The following NKIRAS1 variants were observed in gnomAD, a reference collection of about 807,000 sequenced individuals.
NKIRAS1 encodes NF-kappa-B inhibitor-interacting Ras-like protein 1.
Under a neutral mutation model 19.8 loss-of-function variants are expected in NKIRAS1, and 16 were observed. The ratio of observed to expected loss-of-function variants is 0.81; its 90% CI spans 0.55 to 1.23. The LOEUF (loss-of-function observed/expected upper bound fraction) is 1.23, where lower values mean the gene tolerates loss of function less well. Among genes scored for constraint, NKIRAS1 ranks in the 50% most tolerant of loss-of-function variants. The pLI, the probability that NKIRAS1 is intolerant of heterozygous loss-of-function variation, is 0.00. For missense variants in NKIRAS1, 184 were observed against 220.0 expected, an observed-to-expected ratio of 0.84 and a Z score of 1.04; for synonymous variants, 88 against 79.0, an observed-to-expected ratio of 1.11 and a Z score of -0.61.
intron 1 of NKIRAS1, among the ~76,000 whole-genome samples, chr3:23,939,709 A>G (rs930164491): frequency 6.6e-6 from 1 of 152,264 alleles, no homozygotes; most frequent in Non-Finnish European, 1.5e-5. Context: ...GTGCCACTGC[A>G]CTCCAGTCTG....
chr3:23,893,459 A>G, intron 4 of NKIRAS1, 122 bp from the exon 5 acceptor site: 1 of 806,888 alleles, frequency 1.2e-6, no homozygotes, highest in Non-Finnish European at 2.0e-6. Flanking sequence ...CTGATTCTCA[A>G]GTGTGACTGG....
At chr3:23,918,432 G>A, upstream of NKIRAS1, 2 of 1,611,602 alleles carry the variant, frequency 1.2e-6, no homozygotes, top group Non-Finnish European at 1.7e-6. Flanking sequence ...GTGTGTGTTT[G>A]TGTGTAGGTT....
At chr3:23,919,093 A>C (rs1704914206), upstream of NKIRAS1, 1 of 757,294 alleles carries the variant, frequency 1.3e-6, no homozygotes, top group South Asian at 1.7e-5. Flanking sequence ...GTAGTAAAAG[A>C]CTCTTGTCTG....
chr3:23,936,020 C>T (rs1031880264), intron 1 of NKIRAS1, among the ~76,000 whole-genome samples: 1 of 134,224 alleles, frequency 7.5e-6, no homozygotes, highest in African/African-American at 2.8e-5. Context: ...AAATTCGAGG[C>T]TGCAGTGAGC....
At chr3:23,940,260 T>C (rs1471295721) in intron 1 of NKIRAS1, among the ~76,000 whole-genome samples, 1 of 150,968 alleles carries the variant, frequency 6.6e-6, no homozygotes, top group Non-Finnish European at 1.5e-5. Context: ...GGTGGGAGCA[T>C]CTCGAGCCCA....
At chr3:23,898,153 G>T (rs1702165934) in intron 4 of NKIRAS1, among the ~76,000 whole-genome samples, 1 of 152,142 alleles carries the variant, frequency 6.6e-6, no homozygotes, top group Non-Finnish European at 1.5e-5. Context: ...GCCTGTTTCG[G>T]TGGGAAAGAT....
intron 1 of NKIRAS1, among the ~76,000 whole-genome samples, chr3:23,937,331 T>C (rs1705413984): frequency 6.6e-6 from 1 of 151,250 alleles, no homozygotes; most frequent in African/African-American, 2.4e-5. Context: ...AGACTCTGTC[T>C]GGAAAAAGAA....
At position 23,890,079 on chromosome 3, in the gene NKIRAS1, C is replaced by A. The variant is rs1701341210; in HGVS notation, c.*3016G>T. Among the ~76,000 whole-genome samples the A allele has an allele frequency of 2.0e-5, 3 of 152,094 alleles. 1 individual carries two copies. Among genetic ancestry groups the A allele is most frequent in the Admixed American group, 2.0e-4 (3 of 15,276 alleles). ...ACCAGCGTAAAGGTTAATAGTGTTGCACTGCAACAGCCCCGAAGACTTCAC... is the reference window on the plus strand; with the variant it reads ...ACCAGCGTAAAGGTTAATAGTGTTGAACTGCAACAGCCCCGAAGACTTCAC... On this transcript the variant is annotated 3_prime_UTR_variant, in exon 5 of 5. Coordinates refer to ENST00000425478, the MANE Select transcript of NKIRAS1 (RefSeq NM_020345.4).
chr3:23,916,491 C>T (rs1440350697), intron 1 of NKIRAS1: 1 of 152,322 alleles, frequency 6.6e-6, no homozygotes, highest in Non-Finnish European at 1.5e-5. Flanking sequence ...CGCCCGCAAT[C>T]CACCCACTCC....
chr3:23,895,197 A>T lies in NKIRAS1; in HGVS notation c.337-1860T>A, dbSNP rs145743772. 1.2e-4 allele frequency among the ~76,000 whole-genome samples: 18 copies of T among 152,118 alleles called. No homozygotes were observed. The East Asian group carries it at 3.3e-3, about 28-fold the overall frequency. On this transcript the variant is annotated intron_variant, in intron 4 of 4. Coordinates refer to ENST00000425478, the MANE Select transcript of NKIRAS1 (RefSeq NM_020345.4). Reference sequence around the variant, plus strand: ...GCCCAGCTATTTTTTTAATTTTTAGAGATGGGGTCTTACTTTATTGCTGGA... The same window carrying T: ...GCCCAGCTATTTTTTTAATTTTTAGTGATGGGGTCTTACTTTATTGCTGGA...
chr3:23,930,025 CA>C (rs1265712182), intron 1 of NKIRAS1, among the ~76,000 whole-genome samples: 1 of 151,846 alleles, frequency 6.6e-6, no homozygotes, highest in African/African-American at 2.4e-5. Flanking sequence ...ACTCCAGGGA[CA>C]ACTAGAAAGG....
In NKIRAS1 at chr3:23,890,342, T is replaced by G. The variant is rs1310429148; in HGVS notation, c.*2753A>C. ...TTCCCTCTTCCCCCAACGTTATGTT[T>G]TTTTGAAATTTTGATGGAAAAATAT... is the stretch of plus-strand genomic sequence containing the variant. On this transcript the variant is annotated 3_prime_UTR_variant, in exon 5 of 5. Transcript: ENST00000425478. Among the ~76,000 whole-genome samples, 1 of 152,244 alleles carries G rather than the reference T, an allele frequency of 6.6e-6. No homozygotes were observed. The highest frequency in any genetic ancestry group is 1.9e-4 in the East Asian group (1 of 5,196).
rs1415821101 is a variant in NKIRAS1 at position 23,893,179 on chromosome 3, G to A, written c.495C>T (p.Ala165=). The A allele has an allele frequency of 3.7e-5, 59 of 1,613,216 alleles. No individual in the cohort carries two copies. Among genetic ancestry groups the A allele is most frequent in the Non-Finnish European group, 4.9e-5 (58 of 1,179,730 alleles). Residue 165 remains alanine, a synonymous_variant, in exon 5 of 5, where the codon GCC becomes GCT. Coordinates refer to ENST00000425478, the MANE Select transcript of NKIRAS1 (RefSeq NM_020345.4). ...KTLIEPFTLL[A]SKLSQPQSKS... ...TGCTCTGGGGTTGAGAAAGTTTACT[G>A]GCTAATAAAGTGAATGGTTCAATCA...
Position 23,906,096 on chromosome 3 carries a change from T to C in NKIRAS1, c.94+4715A>G, listed in dbSNP as rs1432179506. Among the ~76,000 whole-genome samples the C allele has an allele frequency of 2.0e-5, 3 of 146,738 alleles. No individual in the cohort carries two copies. In the Admixed American group the frequency reaches 2.1e-4, roughly 10 times the overall value. Reference sequence around the variant, plus strand: ...ATCACTTGAACCTAGGAGGTGGAGGTTGCAGTGAGCCGAGATCGTGCCACT... The same window carrying C: ...ATCACTTGAACCTAGGAGGTGGAGGCTGCAGTGAGCCGAGATCGTGCCACT... On this transcript the variant is annotated intron_variant, in intron 3 of 4. Coordinates refer to ENST00000425478, the MANE Select transcript of NKIRAS1 (RefSeq NM_020345.4).
intron 4 of NKIRAS1, among the ~76,000 whole-genome samples, chr3:23,897,689 C>CT (rs1702118470): frequency 6.6e-6 from 1 of 152,176 alleles, no homozygotes; most frequent in African/African-American, 2.4e-5. Context: ...CAGACATCAG[C>CT]TTTGTTCCCT....
chr3:23,918,963 C>G (rs1704895685), upstream of NKIRAS1: 3 of 561,850 alleles, frequency 5.3e-6, no homozygotes, highest in Non-Finnish European at 6.3e-6. Flanking sequence ...CTGCCCTAGT[C>G]AGGAATGGAG....
Position 23,927,805 on chromosome 3 carries a change from A to G in NKIRAS1, c.-139-16355T>C, listed in dbSNP as rs770981781. Reference sequence around the variant, plus strand: ...AAAAAATGATCATCCAAGGCTGGGCATGGTGGCTCATACCTGTAATCCTAG... The same window carrying G: ...AAAAAATGATCATCCAAGGCTGGGCGTGGTGGCTCATACCTGTAATCCTAG... On this transcript the variant is annotated intron_variant, in intron 1 of 4. Coordinates refer to the NKIRAS1 transcript ENST00000421515. This position sits in a 1 kb window ranked among gnomAD's most constrained non-coding sequence, Gnocchi z 4.0. Among the ~76,000 whole-genome samples, 2 of 152,146 alleles carry G rather than the reference A, an allele frequency of 1.3e-5. No homozygotes were observed. Among genetic ancestry groups the G allele is most frequent in the Non-Finnish European group, 2.9e-5 (2 of 68,020 alleles).
intron 1 of NKIRAS1, among the ~76,000 whole-genome samples, chr3:23,914,217 C>T (rs990677986): frequency 1.3e-5 from 2 of 150,696 alleles, no homozygotes; most frequent in Admixed American, 6.6e-5. Context: ...TGGTCCATTC[C>T]TGTGAAATGC....
chr3:23,932,089 G>A (rs1705328299), intron 1 of NKIRAS1, among the ~76,000 whole-genome samples: 1 of 152,086 alleles, frequency 6.6e-6, no homozygotes, highest in Admixed American at 6.6e-5. Context: ...TCTTTCCAAT[G>A]AGATGTATAT....
Sources: gnomAD v4.1 joint callset for allele counts (sites outside exome capture counted in the v4.1 genomes callset) on GRCh38, gnomAD v4.1.1 for gene constraint, Gnocchi (gnomAD v3.1) non-coding constraint, MANE v1.5 for transcripts, NCBI Gene and HGNC (gene_info 2026-07-23, HGNC 2026-07-21) for gene names.